The following CFAP43 variants were observed in gnomAD, a reference collection of about 807,000 sequenced individuals.
CFAP43 encodes cilia and flagella associated protein 43.
Under a neutral mutation model 218.9 loss-of-function variants are expected in CFAP43, and 155 were observed. That is an observed-to-expected ratio of 0.71 (90% CI 0.62 to 0.81). The LOEUF is 0.81. Among genes scored for constraint, CFAP43 ranks in the 30% least tolerant of loss-of-function variants. The pLI is 0.00. For synonymous variants in CFAP43, 645 were observed against 681.3 expected, an observed-to-expected ratio of 0.95 and a Z score of 0.83; for missense variants, 1,778 against 1,954.3, an observed-to-expected ratio of 0.91 and a Z score of 1.70.
rs767244239 is a variant in CFAP43, at chr10:104,166,623, T to G, written c.2904A>C (p.Thr968=). The G allele has an allele frequency of 1.9e-6, 3 of 1,614,204 alleles. No homozygotes were observed. The highest frequency in any genetic ancestry group is 2.5e-6 in the Non-Finnish European group (3 of 1,180,028). Residue 968 remains threonine (T), a synonymous_variant, in exon 23 of 38, where the codon ACA becomes ACC. Coordinates refer to ENST00000357060, the MANE Select transcript of CFAP43 (RefSeq NM_025145.7). ...AATTGGGCAAATTGCTATATTTTAC[T>G]GTCTTGTCTTCCTCTTCCTCTTCTT... ...DDEEEEEEDK[T]VKYSNLPNYL... is the part of the protein sequence containing the mutation.
In CFAP43 at chr10:104,133,761, A is replaced by G; in HGVS notation, c.4455T>C (p.Ala1485=). 3 of 1,610,962 alleles carry G rather than the reference A, an allele frequency of 1.9e-6. No individual in the cohort carries two copies. Among genetic ancestry groups the G allele is most frequent in the Admixed American group, 3.4e-5 (2 of 59,494 alleles). Residue 1485 remains alanine (A), a synonymous_variant, in exon 35 of 38, where the codon GCT becomes GCC. Transcript: ENST00000357060. The part of the protein sequence containing the change: ...VIRTQGQKKV[A]SMMESKDVHK... ...GTACATCTTTACTTTCCATCATGCT[A>G]GCAACTTTCTTTTGTCCTTGAGTCT...
At chr10:104,180,496 A>C (rs1323975455) in intron 17 of CFAP43, among the ~76,000 whole-genome samples, 1 of 138,150 alleles carries the variant, frequency 7.2e-6, no homozygotes, top group East Asian at 2.1e-4. Flanking sequence ...CCCAGGCTGG[A>C]GTGCAGTGGT....
chr10:104,164,916 A>C (rs2089075714), intron 23 of CFAP43, among the ~76,000 whole-genome samples: 1 of 152,214 alleles, frequency 6.6e-6, no homozygotes, highest in Admixed American at 6.5e-5. Flanking sequence ...TTAGAGGCTC[A>C]TTGGGCTATT....
intron 22 of CFAP43, 169 bp downstream of exon 22, chr10:104,167,452 A>G (rs2089213177): frequency 2.3e-6 from 1 of 428,346 alleles, no homozygotes; most frequent in African/African-American, 2.0e-5. Context: ...TATTGTGTGG[A>G]TATAGGCTCC....
At chr10:104,207,508 A>G (rs2090729477) in intron 6 of CFAP43, among the ~76,000 whole-genome samples, 157 bp downstream of exon 6, 1 of 152,204 alleles carries the variant, frequency 6.6e-6, no homozygotes, top group East Asian at 1.9e-4. Context: ...TGAAATATGC[A>G]TATAAAGTGA....
intron 27 of CFAP43, among the ~76,000 whole-genome samples, chr10:104,154,342 G>A (rs1025960635): frequency 4.6e-5 from 7 of 152,006 alleles, no homozygotes; most frequent in Non-Finnish European, 1.0e-4. Flanking sequence ...GATTCCGGGA[G>A]GATAATGGAG....
intron 16 of CFAP43, 54 bp downstream of exon 16, chr10:104,184,962 C>A: frequency 1.3e-6 from 2 of 1,572,104 alleles, no homozygotes; most frequent in Non-Finnish European, 1.7e-6. Flanking sequence ...ATAATAAAAT[C>A]TCTATTTTAA....
At chr10:104,208,624 A>G (rs748780973) in intron 5 of CFAP43, among the ~76,000 whole-genome samples, 6 of 152,340 alleles carry the variant, frequency 3.9e-5, no homozygotes, top group East Asian at 1.9e-4. Flanking sequence ...TGATAATATC[A>G]TCTCCTTTTT....
intron 29 of CFAP43, among the ~76,000 whole-genome samples, 154 bp from the exon 30 acceptor site, chr10:104,146,503 T>C (rs757379938): frequency 1.6e-4 from 24 of 152,154 alleles, no homozygotes; most frequent in Non-Finnish European, 2.2e-4. Flanking sequence ...TAGAAGAAAA[T>C]ACACCAATTG....
At chr10:104,190,373 ACATC>A (rs2090173388) in intron 12 of CFAP43, among the ~76,000 whole-genome samples, 1 of 152,164 alleles carries the variant, frequency 6.6e-6, no homozygotes, top group Non-Finnish European at 1.5e-5. Context: ...GGCAGGATAT[ACATC>A]CACTCTGAGG....
At chr10:104,181,592 T>A (rs1316278977) in intron 17 of CFAP43, among the ~76,000 whole-genome samples, 1 of 152,208 alleles carries the variant, frequency 6.6e-6, no homozygotes, top group African/African-American at 2.4e-5. Context: ...CTCCTCCCAC[T>A]TTGAAGACCT....
At chr10:104,179,149 A>C in intron 18 of CFAP43, 43 bp from the exon 19 acceptor site, 2 of 1,467,772 alleles carry the variant, frequency 1.4e-6, no homozygotes, top group Non-Finnish European at 1.9e-6. Flanking sequence ...CAAGAGAAAT[A>C]TCAGACAGAG....
At chr10:104,213,776 C>T (rs187628472) in intron 4 of CFAP43, among the ~76,000 whole-genome samples, 2 of 152,266 alleles carry the variant, frequency 1.3e-5, no homozygotes, top group East Asian at 1.9e-4. Flanking sequence ...ACCTCGTGAT[C>T]CGCCTGCCTC....
At position 104,154,795 on chromosome 10, in the gene CFAP43, A is replaced by G. The variant is rs79525406; in HGVS notation, c.3541-2069T>C. On this transcript the variant is annotated intron_variant, in intron 27 of 37. Transcript: ENST00000357060. ...TCTTCCCACTGCAGGTCCTTCTCAC[A>G]TGCTCTTCCATCTGCCTATGCTTCA... Among the ~76,000 whole-genome samples, 1,032 of 152,230 alleles carry G rather than the reference A, an allele frequency of 6.8e-3. 7 individuals carry two copies. The highest frequency in any genetic ancestry group is 0.02 in the African/African-American group (830 of 41,538).
chr10:104,232,323 C>T lies in CFAP43; in HGVS notation c.-77G>A, dbSNP rs1048026890. On this transcript the variant is annotated 5_prime_UTR_variant, in exon 1 of 38. Transcript: ENST00000357060. ...CGGGTCGGTTACCTTTCCGCCGCCG[C>T]GGGGCTGCGGGCCGCGACGCCGCTG... 5.7e-6 allele frequency: 8 copies of T among 1,396,814 alleles called. No individual in the cohort carries two copies. In the Admixed American group the frequency reaches 1.1e-4, roughly 19 times the overall value. 86.5% of individuals were successfully genotyped at this position (1,396,814 alleles called of 1,614,324 possible).
intron 17 of CFAP43, 58 bp from the exon 18 acceptor site, chr10:104,179,990 C>T: frequency 7.5e-7 from 1 of 1,327,310 alleles, no homozygotes; most frequent in Non-Finnish European, 1.1e-6. Context: ...TCAAGTTTTT[C>T]CCCTCCCACC....
At chr10:104,164,391 T>C in intron 23 of CFAP43, 91 bp from the exon 24 acceptor site, 2 of 1,109,644 alleles carry the variant, frequency 1.8e-6, no homozygotes, top group Non-Finnish European at 2.5e-6. Context: ...TCTAAAATCA[T>C]TCCACAAATT....
chr10:104,170,795 T>C (rs2089376847), intron 20 of CFAP43, among the ~76,000 whole-genome samples: 1 of 152,174 alleles, frequency 6.6e-6, no homozygotes, highest in Admixed American at 6.5e-5. Flanking sequence ...TAGCTTCCTG[T>C]TGCACAGTTA....
intron 34 of CFAP43, among the ~76,000 whole-genome samples, chr10:104,138,386 A>T (rs2087545123): frequency 6.6e-6 from 1 of 152,202 alleles, no homozygotes; most frequent in African/African-American, 2.4e-5. Flanking sequence ...GAAAGAAATG[A>T]CAACTGGCCG....
Sources: gnomAD v4.1 joint callset for allele counts (sites outside exome capture counted in the v4.1 genomes callset) on GRCh38, gnomAD v4.1.1 for gene constraint, MANE v1.5 for transcripts, NCBI Gene and HGNC (gene_info 2026-07-23, HGNC 2026-07-21) for gene names.